The following HS3ST1 variants were observed in gnomAD, a reference collection of about 807,000 sequenced individuals.
HS3ST1 encodes heparan sulfate glucosamine 3-O-sulfotransferase 1.
Under a neutral mutation model 20.7 loss-of-function variants are expected in HS3ST1, and 8 were observed. That is an observed-to-expected ratio of 0.39 (90% CI 0.23 to 0.70). The LOEUF (loss-of-function observed/expected upper bound fraction) is 0.70. HS3ST1 is among the 30% of genes least tolerant of loss of function. The pLI is 0.46. For missense variants in HS3ST1, 436 were observed against 423.4 expected, an observed-to-expected ratio of 1.03 and a Z score of -0.26; for synonymous variants, 205 against 190.4, an observed-to-expected ratio of 1.08 and a Z score of -0.63.
chr4:11,400,544 AG>A (rs1301426966), intron 1 of HS3ST1, among the ~76,000 whole-genome samples: 2 of 152,188 alleles, frequency 1.3e-5, no homozygotes, highest in East Asian at 3.8e-4. Context: ...TTGCCTCCCT[AG>A]TCAGAGCATG....
chr4:11,418,019 T>G (rs980117068), intron 1 of HS3ST1, among the ~76,000 whole-genome samples: 1 of 152,350 alleles, frequency 6.6e-6, no homozygotes. Flanking sequence ...TGTGACCTAG[T>G]TTTTGGCCAA....
chr4:11,414,559 CA>C lies in HS3ST1; in HGVS notation c.-109+14139del, dbSNP rs140734848. 2.7e-3 allele frequency among the ~76,000 whole-genome samples: 414 copies of C among 152,314 alleles called. 7 individuals are homozygous for C. Among genetic ancestry groups the C allele is most frequent in the East Asian group, 0.023 (120 of 5,176 alleles). ...CAGTCCCATTGCTTTTCTACTTTAA[CA>C]ACCGTATTTACTTCCCCAACCAGCT... is the stretch of plus-strand genomic sequence containing the variant. On this transcript the variant is annotated intron_variant, in intron 1 of 1. Transcript: ENST00000002596.
At chr4:11,417,413 C>A (rs934682409) in intron 1 of HS3ST1, among the ~76,000 whole-genome samples, 2 of 152,126 alleles carry the variant, frequency 1.3e-5, no homozygotes, top group African/African-American at 4.8e-5. Context: ...CATCCTCTTA[C>A]AATTTCATCT....
chr4:11,426,411 T>C (rs921794215), intron 1 of HS3ST1, among the ~76,000 whole-genome samples: 2 of 151,762 alleles, frequency 1.3e-5, no homozygotes, highest in Non-Finnish European at 2.9e-5. Flanking sequence ...TAATTTCTTA[T>C]TTTAATAAGA....
In HS3ST1 at chr4:11,398,140, A is replaced by C. The variant is rs993966209; in HGVS notation, c.*942T>G. 6.6e-6 allele frequency: 1 copy of C among 152,226 alleles called. No homozygotes were observed. The highest frequency in any genetic ancestry group is 2.4e-5 in the African/African-American group (1 of 41,450). The allele number at this position is 152,226 out of a possible 1,614,324, so 9.4% of individuals were successfully genotyped here. On this transcript the variant is annotated 3_prime_UTR_variant, in exon 2 of 2. Coordinates refer to ENST00000002596, the MANE Select transcript of HS3ST1 (RefSeq NM_005114.4). ...TTGATTTTGAAACATACACATATTTATGTCTCAGTGCATATGGAATATATG... is the reference window on the plus strand; with the variant it reads ...TTGATTTTGAAACATACACATATTTCTGTCTCAGTGCATATGGAATATATG...
intron 1 of HS3ST1, among the ~76,000 whole-genome samples, chr4:11,409,559 C>T (rs576722155): frequency 1.4e-4 from 21 of 152,302 alleles, no homozygotes; most frequent in East Asian, 3.9e-4. Context: ...TGGCCCTCTG[C>T]GAGCAAGGAA....
chr4:11,414,689 C>T (rs138256674), intron 1 of HS3ST1, among the ~76,000 whole-genome samples: 166 of 152,248 alleles, frequency 1.1e-3, no homozygotes, highest in Non-Finnish European at 9.1e-4. Flanking sequence ...TAGGCTTGGC[C>T]AAAGAACAGT....
intron 1 of HS3ST1, among the ~76,000 whole-genome samples, chr4:11,407,755 A>G (rs886231865): frequency 3.3e-5 from 5 of 152,234 alleles, no homozygotes; most frequent in Non-Finnish European, 7.3e-5. Context: ...AAACATGCAT[A>G]TGCACGCAAG....
chr4:11,403,955 G>A (rs1393785165), intron 1 of HS3ST1, among the ~76,000 whole-genome samples: 1 of 152,168 alleles, frequency 6.6e-6, no homozygotes, highest in Non-Finnish European at 1.5e-5. Flanking sequence ...TAAATATATT[G>A]TGTATAACAT....
At chr4:11,419,316 TTAAGAC>T (rs1718864947) in intron 1 of HS3ST1, among the ~76,000 whole-genome samples, 3 of 152,024 alleles carry the variant, frequency 2.0e-5, no homozygotes, top group South Asian at 2.1e-4. Flanking sequence ...ATTATATAAA[TTAAGAC>T]TAAAGAAACA....
chr4:11,427,704 C>T (rs542277598), intron 1 of HS3ST1, among the ~76,000 whole-genome samples: 1 of 152,332 alleles, frequency 6.6e-6, no homozygotes, highest in Non-Finnish European at 1.5e-5. Context: ...CGCTGGCTCC[C>T]AGGGGAGGGA....
At chr4:11,405,883 T>G (rs1718451048) in intron 1 of HS3ST1, among the ~76,000 whole-genome samples, 1 of 152,256 alleles carries the variant, frequency 6.6e-6, no homozygotes, top group East Asian at 1.9e-4. Context: ...CTGTAATATA[T>G]TCTCTCAGTC....
intron 1 of HS3ST1, among the ~76,000 whole-genome samples, chr4:11,423,752 C>G (rs1159219834): frequency 6.6e-6 from 1 of 152,114 alleles, no homozygotes; most frequent in African/African-American, 2.4e-5. Flanking sequence ...AACAGAGGTT[C>G]ACTCTGTAAA....
Position 11,399,352 on chromosome 4 carries a change from G to C in HS3ST1, c.654C>G (p.Asp218Glu). ...PLRHIHIVDG[D>E]RLIRDPFPEI... ...CAGGGAAGGGGTCCCTGATGAGGCGGTCGCCGTCCACAATGTGGATGTGGC... is the reference window on the plus strand; with the variant it reads ...CAGGGAAGGGGTCCCTGATGAGGCGCTCGCCGTCCACAATGTGGATGTGGC... The change falls in exon 2 of 2, where the codon GAC becomes GAG. Residue 218 changes from aspartate (D) to glutamate (E), a missense_variant. Asp to Glu is a conservative substitution (Grantham distance 45, BLOSUM62 2). Transcript: ENST00000002596. The surrounding 1 kb of genome is among the most constrained non-coding windows in gnomAD (Gnocchi z 5.1). 6.2e-7 allele frequency: 1 copy of C among 1,614,008 alleles called. No individual in the cohort carries two copies. The highest frequency in any genetic ancestry group is 8.5e-7 in the Non-Finnish European group (1 of 1,180,006).
intron 1 of HS3ST1, among the ~76,000 whole-genome samples, chr4:11,425,728 G>T (rs1371320333): frequency 2.6e-5 from 4 of 152,128 alleles, no homozygotes; most frequent in Admixed American, 6.6e-5. Context: ...TCGGCAAGAT[G>T]CATTTCATAT....
rs1718072704 is a variant in HS3ST1 at position 11,394,015 on chromosome 4, G to C, written c.*5067C>G. ...AGTCACATAGCTGGGAAGCAGAGGA[G>C]GAAAAAAGGCAGCGCATTTCTGCCG... On this transcript the variant is annotated 3_prime_UTR_variant, in exon 2 of 2. Coordinates refer to ENST00000002596, the MANE Select transcript of HS3ST1 (RefSeq NM_005114.4). The C allele has an allele frequency of 6.6e-6, 1 of 152,146 alleles. No homozygotes were observed. Among genetic ancestry groups the C allele is most frequent in the Non-Finnish European group, 1.5e-5 (1 of 68,034 alleles). 9.4% of individuals were successfully genotyped at this position (152,146 alleles called of 1,614,324 possible). A position where few individuals can be genotyped will look rare whatever the true frequency, so the allele number is the denominator to read the frequency against.
rs552527245 is a variant in HS3ST1 at position 11,398,766 on chromosome 4, T to C, written c.*316A>G. 5.0e-6 allele frequency: 1 copy of C among 198,358 alleles called. No individual in the cohort carries two copies. The highest frequency in any genetic ancestry group is 2.3e-5 in the African/African-American group (1 of 43,202). 12.3% of individuals were successfully genotyped at this position (198,358 alleles called of 1,614,324 possible). ...ACAGCTATTTTGAGTTGGGGGCAAG[T>C]TAATTATATTCAAAAAAACATAGCG... is the stretch of plus-strand genomic sequence containing the variant. On this transcript the variant is annotated 3_prime_UTR_variant, in exon 2 of 2. Coordinates refer to ENST00000002596, the MANE Select transcript of HS3ST1 (RefSeq NM_005114.4).
chr4:11,426,448 G>A (rs1007302045), intron 1 of HS3ST1, among the ~76,000 whole-genome samples: 14 of 148,930 alleles, frequency 9.4e-5, no homozygotes, highest in African/African-American at 3.5e-4. Context: ...CTTTTAGGGG[G>A]ACCCAGGGGG....
At chr4:11,404,628 G>A (rs1373811629) in intron 1 of HS3ST1, among the ~76,000 whole-genome samples, 1 of 152,228 alleles carries the variant, frequency 6.6e-6, no homozygotes, top group Non-Finnish European at 1.5e-5. Context: ...AGGCAGGTTT[G>A]AACCTGCAGG....
Sources: gnomAD v4.1 joint callset for allele counts (sites outside exome capture counted in the v4.1 genomes callset) on GRCh38, gnomAD v4.1.1 for gene constraint, Gnocchi (gnomAD v3.1) non-coding constraint, MANE v1.5 for transcripts, NCBI Gene and HGNC (gene_info 2026-07-23, HGNC 2026-07-21) for gene names.